PPFIA2: variants seen among roughly 807,000 people sequenced by gnomAD.
PPFIA2 encodes the protein PPFI scaffold protein A2, also known as liprin-alpha-2.
A neutral mutation model predicts 175.5 loss-of-function variants in PPFIA2; 46 were observed. That is an observed-to-expected ratio of 0.26 (90% CI 0.21 to 0.34). The LOEUF (loss-of-function observed/expected upper bound fraction) is 0.34, where lower values mean the gene tolerates loss of function less well. Among genes scored for constraint, PPFIA2 ranks in the 10% least tolerant of loss-of-function variants. The pLI, the probability that PPFIA2 is intolerant of heterozygous loss-of-function variation, is 1.00. For synonymous variants in PPFIA2, 568 were observed against 511.4 expected, an observed-to-expected ratio of 1.11 and a Z score of -1.49; for missense variants, 1,179 against 1,506.1, an observed-to-expected ratio of 0.78 and a Z score of 3.60.
At position 81,638,628 on chromosome 12, in the gene PPFIA2, G is replaced by A. The variant is rs562384717; in HGVS notation, c.303+38163C>T. Among the ~76,000 whole-genome samples the A allele has an allele frequency of 8.1e-5, 12 of 147,554 alleles. No individual in the cohort carries two copies. The East Asian group carries it at 2.2e-3, about 27-fold the overall frequency. ...AGGATTTCTTAGGGTTCTGTACCTA[G>A]TATGGTAAAATAGAGACTGTAATTT... On this transcript the variant is annotated intron_variant, in intron 4 of 32. Transcript: ENST00000549396.
At chr12:81,410,283 G>A (rs532580650) in intron 7 of PPFIA2, among the ~76,000 whole-genome samples, 45 of 152,194 alleles carry the variant, frequency 3.0e-4, no homozygotes, top group East Asian at 1.2e-3. Context: ...ACTTAACTCC[G>A]TATCCTTATA....
chr12:81,469,185 C>T (rs560869174), intron 4 of PPFIA2, among the ~76,000 whole-genome samples: 48 of 152,272 alleles, frequency 3.2e-4, no homozygotes, highest in African/African-American at 1.1e-3. Flanking sequence ...AAGGAGCTTG[C>T]CCTTGTCAGC....
chr12:81,658,734 G>T (rs930006222), intron 4 of PPFIA2, among the ~76,000 whole-genome samples: 1 of 151,764 alleles, frequency 6.6e-6, no homozygotes, highest in Non-Finnish European at 1.5e-5. Context: ...ATGTTTAAGG[G>T]TTGTATATAA....
intron 4 of PPFIA2, among the ~76,000 whole-genome samples, chr12:81,496,051 G>A (rs566313555): frequency 6.6e-6 from 1 of 152,268 alleles, no homozygotes; most frequent in African/African-American, 2.4e-5. Flanking sequence ...TGACAATGCA[G>A]TGTTTTGTTG....
intron 28 of PPFIA2, among the ~76,000 whole-genome samples, chr12:81,276,394 G>A (rs1184565608): frequency 6.6e-6 from 1 of 151,970 alleles, no homozygotes; most frequent in Non-Finnish European, 1.5e-5. Flanking sequence ...TAAGAAAACC[G>A]CACTTGAACC....
intron 4 of PPFIA2, among the ~76,000 whole-genome samples, chr12:81,460,937 CTGGG>C (rs1335480702): frequency 6.6e-6 from 1 of 152,066 alleles, no homozygotes; most frequent in Non-Finnish European, 1.5e-5. Context: ...CTAACTCATA[CTGGG>C]TGATTACGAT....
intron 8 of PPFIA2, among the ~76,000 whole-genome samples, chr12:81,385,498 T>A (rs753586601): frequency 6.6e-6 from 1 of 152,142 alleles, no homozygotes; most frequent in African/African-American, 2.4e-5. Flanking sequence ...GAGTGTGGCA[T>A]ACATACACAA....
chr12:81,265,297 A>C (rs1791790890), intron 30 of PPFIA2, among the ~76,000 whole-genome samples: 2 of 150,622 alleles, frequency 1.3e-5, no homozygotes, highest in Admixed American at 6.6e-5. Context: ...CTGTCAAAAA[A>C]AAAAAAAAAA....
At chr12:81,566,757 T>C (rs911572193) in intron 4 of PPFIA2, among the ~76,000 whole-genome samples, 36 of 152,126 alleles carry the variant, frequency 2.4e-4, no homozygotes, top group African/African-American at 7.5e-4. Flanking sequence ...TTGTGTCCCA[T>C]ATTTTTGTTG....
At chr12:81,352,977 G>C (rs766102376) in intron 17 of PPFIA2, 142 bp downstream of exon 17, 14 of 659,100 alleles carry the variant, frequency 2.1e-5, no homozygotes, top group Non-Finnish European at 3.7e-5. Flanking sequence ...TTCTGATTCA[G>C]TGTGTACGGG....
At chr12:81,745,932 T>C (rs2082993568) in intron 3 of PPFIA2, among the ~76,000 whole-genome samples, 2 of 151,696 alleles carry the variant, frequency 1.3e-5, no homozygotes, top group Non-Finnish European at 2.9e-5. Context: ...TGGTAGACTA[T>C]GTACAACAAA....
At chr12:81,570,733 T>C (rs933446199) in intron 4 of PPFIA2, among the ~76,000 whole-genome samples, 1 of 148,884 alleles carries the variant, frequency 6.7e-6, no homozygotes, top group African/African-American at 2.4e-5. Flanking sequence ...ATATAAAATA[T>C]ATCAATTAAT....
At chr12:81,549,491 C>A (rs970095786) in intron 4 of PPFIA2, among the ~76,000 whole-genome samples, 2 of 151,984 alleles carry the variant, frequency 1.3e-5, no homozygotes, top group African/African-American at 4.8e-5. Context: ...ATACTAACTG[C>A]TGTCCCCATA....
At chr12:81,393,022 A>T (rs2040436872) in intron 8 of PPFIA2, among the ~76,000 whole-genome samples, 1 of 152,028 alleles carries the variant, frequency 6.6e-6, no homozygotes, top group Admixed American at 6.6e-5. Flanking sequence ...TTACTGTAAC[A>T]ATCTTGTAAC....
At chr12:81,491,071 CTA>C (rs1325613363) in intron 4 of PPFIA2, among the ~76,000 whole-genome samples, 7 of 151,934 alleles carry the variant, frequency 4.6e-5, no homozygotes, top group Non-Finnish European at 7.4e-5. Flanking sequence ...ATACTCTGTT[CTA>C]TGTCATCTTC....
intron 22 of PPFIA2, among the ~76,000 whole-genome samples, chr12:81,308,664 A>G (rs1041596658): frequency 6.6e-6 from 1 of 152,110 alleles, no homozygotes; most frequent in African/African-American, 2.4e-5. Context: ...CATTTATTTG[A>G]CTTCCTGGTT....
chr12:81,702,280 A>G (rs2076588016), intron 3 of PPFIA2, among the ~76,000 whole-genome samples: 1 of 152,050 alleles, frequency 6.6e-6, no homozygotes, highest in Non-Finnish European at 1.5e-5. Context: ...CCCAGTCTAA[A>G]TGTGTCTTTT....
At chr12:81,629,595 G>C (rs1043130734) in intron 4 of PPFIA2, among the ~76,000 whole-genome samples, 2 of 152,090 alleles carry the variant, frequency 1.3e-5, no homozygotes, top group African/African-American at 4.8e-5. Context: ...AACCTGGCTT[G>C]GAAAATAGAA....
At chr12:81,308,732 A>G (rs2049976356) in intron 22 of PPFIA2, among the ~76,000 whole-genome samples, 1 of 152,234 alleles carries the variant, frequency 6.6e-6, no homozygotes, top group African/African-American at 2.4e-5. Flanking sequence ...GCATTATAAA[A>G]GAACAAACGA....
Sources: gnomAD v4.1 joint callset for allele counts (sites outside exome capture counted in the v4.1 genomes callset) on GRCh38, gnomAD v4.1.1 for gene constraint, MANE v1.5 for transcripts, NCBI Gene and HGNC (gene_info 2026-07-23, HGNC 2026-07-21) for gene names.